Variants in UBR4 observed in about 807,000 individuals in gnomAD.
UBR4 encodes the protein ubiquitin protein ligase E3 component n-recognin 4.
In UBR4, 124 loss-of-function variants were observed where a neutral mutation model predicts 575.6. The observed-to-expected ratio is 0.22, with a 90% CI of 0.19 to 0.25. The LOEUF (loss-of-function observed/expected upper bound fraction) is 0.25. UBR4 is among the 10% of genes least tolerant of loss of function. The pLI, the probability that UBR4 is intolerant of heterozygous loss-of-function variation, is 1.00. For missense variants in UBR4, 4,818 were observed against 6,478.8 expected, an observed-to-expected ratio of 0.74 and a Z score of 8.80; for synonymous variants, 2,455 against 2,473.7, an observed-to-expected ratio of 0.99 and a Z score of 0.22.
intron 1 of UBR4, among the ~76,000 whole-genome samples, chr1:19,204,183 T>C (rs1571850831): frequency 6.6e-6 from 1 of 152,206 alleles, no homozygotes; most frequent in South Asian, 2.1e-4. Flanking sequence ...ATTTTTTTTT[T>C]AGTAGAGATG....
At chr1:19,174,517 T>A in intron 21 of UBR4, 70 bp from the exon 22 acceptor site, 1 of 1,541,810 alleles carries the variant, frequency 6.5e-7, no homozygotes, top group Non-Finnish European at 8.7e-7. Context: ...CTATACACTA[T>A]CACTTATCCT....
Position 19,162,629 on chromosome 1 carries a change from C to G in UBR4, c.4765-18G>C. The stretch of plus-strand genomic sequence containing the variant: ...ATCACATGCTGTAAGAGAAGCCCCA[C>G]AGCAACTTCAGATTCTCCATGTTTC... On this transcript the variant is annotated intron_variant, in intron 34 of 105. Transcript: ENST00000375254. 1 of 1,594,848 alleles carries G rather than the reference C, an allele frequency of 6.3e-7. No homozygotes were observed.
In UBR4 at chr1:19,190,312, A is replaced by AAAAAATATATATATAT; in HGVS notation, c.1394+1875_1394+1876insATATATATATATTTTT. 2.0e-3 allele frequency among the ~76,000 whole-genome samples: 158 copies of AAAAAATATATATATAT among 79,736 alleles called. 1 individual carries two copies. Among genetic ancestry groups the AAAAAATATATATATAT allele is most frequent in the Middle Eastern group, 4.8e-3 (1 of 210 alleles). The allele number at this position is 79,736 out of a possible 152,430, so 52.3% of individuals were successfully genotyped here. On this transcript the variant is annotated intron_variant, in intron 11 of 105. Transcript: ENST00000375254. ...TGCCTCAAAAAAAAAAAAAAAAAAA[A>AAAAAATATATATATAT]ATATATATATATATATATTTGTATG...
At chr1:19,200,299 T>C (rs916728565) in intron 2 of UBR4, among the ~76,000 whole-genome samples, 6 of 151,274 alleles carry the variant, frequency 4.0e-5, no homozygotes, top group African/African-American at 1.5e-4. Flanking sequence ...AAAAATCTCA[T>C]AATGTTTTAA....
rs2085110287 is a variant in UBR4, at chr1:19,148,018, C to T, written c.7604G>A (p.Ser2535Asn). ...SKSLLASLHT[S>N]RSAYHSHKDQ... The stretch of plus-strand genomic sequence containing the variant: ...CTTGTGGCTGTGGTAGGCCGAGCGG[C>T]TGGTGTGCAGGCTGGCCAGAAGGCT... The change falls in exon 51 of 106, where the codon AGC becomes AAC. Residue 2535 changes from serine (S) to asparagine (N), a missense_variant. Ser to Asn is a conservative substitution (Grantham distance 46). This residue lies in a region of UBR4 where 340 missense variants were observed against 375.4 expected (regional missense o/e 0.91). Coordinates refer to ENST00000375254, the MANE Select transcript of UBR4 (RefSeq NM_020765.3). 6.2e-7 allele frequency: 1 copy of T among 1,612,900 alleles called. No homozygotes were observed. Among genetic ancestry groups the T allele is most frequent in the African/African-American group, 1.3e-5 (1 of 74,900 alleles).
At chr1:19,158,937 T>C (rs1437987552) in intron 39 of UBR4, among the ~76,000 whole-genome samples, 4 of 152,042 alleles carry the variant, frequency 2.6e-5, no homozygotes, top group Admixed American at 2.6e-4. Context: ...AGCACAGTTG[T>C]TCGAGACCAT....
At position 19,076,841 on chromosome 1, in the gene UBR4, T is replaced by C; in HGVS notation, c.15386A>G (p.His5129Arg). The C allele has an allele frequency of 1.2e-6, 2 of 1,612,892 alleles. No individual in the cohort carries two copies. The highest frequency in any genetic ancestry group is 1.7e-6 in the Non-Finnish European group (2 of 1,179,508). Reference sequence around the variant, plus strand: ...AGCTTCGTAGATGGGCATGTCGTTGTGGCGGATGTACTCAGCGAGAGAGCA... The same window carrying C: ...AGCTTCGTAGATGGGCATGTCGTTGCGGCGGATGTACTCAGCGAGAGAGCA... ...WSCSLAEYIR[H>R]NDMPIYEAAD... is the part of the protein sequence containing the mutation. The change falls in exon 105 of 106, where the codon CAC becomes CGC. Residue 5129 changes from histidine (H) to arginine (R), a missense_variant. His to Arg is a conservative substitution (Grantham distance 29, BLOSUM62 0). This residue lies in a region of UBR4 where 212 missense variants were observed against 221.3 expected (regional missense o/e 0.96). Coordinates refer to ENST00000375254, the MANE Select transcript of UBR4 (RefSeq NM_020765.3).
intron 97 of UBR4, among the ~76,000 whole-genome samples, chr1:19,090,989 G>A (rs576074926): frequency 2.0e-5 from 3 of 152,070 alleles, no homozygotes; most frequent in Admixed American, 6.6e-5. Context: ...CCAGCTACTC[G>A]GGAGGCTGAG....
chr1:19,130,919 T>A (rs1306463545), intron 60 of UBR4, among the ~76,000 whole-genome samples: 1 of 147,694 alleles, frequency 6.8e-6, no homozygotes, highest in East Asian at 1.9e-4. Context: ...CATTTTGTTA[T>A]TTTTTTTTTG....
In UBR4 at chr1:19,165,691, C is replaced by T. The variant is rs2088232203; in HGVS notation, c.4176G>A (p.Gln1392=). The change falls in exon 30 of 106, where the codon CAG becomes CAA. Residue 1392 remains glutamine (Q), a synonymous_variant. Transcript: ENST00000375254. Reference sequence around the variant, plus strand: ...AAAACTCCTCCATAGCTTTACGAGCCTGGCTACTTTCCAGCTGCTTTTCCA... The same window carrying T: ...AAAACTCCTCCATAGCTTTACGAGCTTGGCTACTTTCCAGCTGCTTTTCCA... ...QYLEKQLESS[Q]ARKAMEEFFS... The T allele has an allele frequency of 6.2e-7, 1 of 1,614,170 alleles. No homozygotes were observed. Among genetic ancestry groups the T allele is most frequent in the Non-Finnish European group, 8.5e-7 (1 of 1,180,008 alleles).
chr1:19,128,357 T>C (rs750679425), intron 61 of UBR4, 39 bp from the exon 62 acceptor site: 4 of 1,571,946 alleles, frequency 2.5e-6, no homozygotes, highest in Non-Finnish European at 3.5e-6. Flanking sequence ...CCCAATTTCC[T>C]AAAGAAGAAC....
In UBR4 at chr1:19,146,847, T is replaced by G. The variant is rs1436028031; in HGVS notation, c.7783A>C (p.Lys2595Gln). The change falls in exon 52 of 106, where the codon AAG becomes CAG. Residue 2595 changes from lysine to glutamine, a missense_variant. By Grantham distance (53) the Lys-to-Gln change is moderately conservative (BLOSUM62 1). This residue lies in a region of UBR4 where 340 missense variants were observed against 375.4 expected (regional missense o/e 0.91). Coordinates refer to ENST00000375254, the MANE Select transcript of UBR4 (RefSeq NM_020765.3). ...PNNLVHFTESKLPQMETEGMD... is the reference protein window; with the variant it reads ...PNNLVHFTESQLPQMETEGMD... The stretch of plus-strand genomic sequence containing the variant: ...TCACCTGTTTCCATCTGGGGCAGCT[T>G]TGACTCCGTAAAGTGGACAAGGTTG... 4.3e-6 allele frequency: 7 copies of G among 1,613,760 alleles called. No individual in the cohort carries two copies. In the East Asian group the frequency reaches 1.6e-4, roughly 36 times the overall value.
In UBR4 at chr1:19,096,534, G is replaced by A; in HGVS notation, c.13507C>T (p.His4503Tyr). ...TGCCCCCAACTCACTGTTAGAAGGT[G>A]GCGTCCCTGCTTGAAATCTCTGATC... ...AGIRDFKQGRHLLTVLLKLFS... is the reference protein window; with the variant it reads ...AGIRDFKQGRYLLTVLLKLFS... The change falls in exon 92 of 106, where the codon CAC (histidine) becomes TAC (tyrosine). Residue 4503 changes from histidine (H) to tyrosine (Y), a missense_variant. Transcript: ENST00000375254. 1.2e-6 allele frequency: 2 copies of A among 1,613,004 alleles called. No homozygotes were observed. The highest frequency in any genetic ancestry group is 1.7e-6 in the Non-Finnish European group (2 of 1,179,556).
chr1:19,185,721 C>T (rs907154099), intron 14 of UBR4, among the ~76,000 whole-genome samples: 1 of 152,014 alleles, frequency 6.6e-6, no homozygotes, highest in Admixed American at 6.6e-5. Context: ...CTACAGGCTA[C>T]AGGCATGTGC....
intron 60 of UBR4, among the ~76,000 whole-genome samples, chr1:19,135,880 T>C (rs1328429345): frequency 2.6e-5 from 4 of 151,878 alleles, no homozygotes; most frequent in Non-Finnish European, 5.9e-5. Context: ...GCAAAATAAA[T>C]GTAAAGAAAT....
Position 19,110,100 on chromosome 1 carries a change from T to C in UBR4, c.12101A>G (p.Asn4034Ser). 1 of 1,614,106 alleles carries C rather than the reference T, an allele frequency of 6.2e-7. No individual in the cohort carries two copies. Among genetic ancestry groups the C allele is most frequent in the Non-Finnish European group, 8.5e-7 (1 of 1,180,000 alleles). The change falls in exon 81 of 106, where the codon AAC becomes AGC. Residue 4034 changes from asparagine (N) to serine (S), a missense_variant. Physicochemically the swap from Asn to Ser is conservative, Grantham distance 46 (BLOSUM62 1). Transcript: ENST00000375254. This position sits in a 1 kb window ranked among gnomAD's most constrained non-coding sequence, Gnocchi z 4.5. Reference sequence around the variant, plus strand: ...GACCCCTGCTTGGCCCAGTACCTTGTTCTTCTTGCTAGTGGGAGCAGGTGG... The same window carrying C: ...GACCCCTGCTTGGCCCAGTACCTTGCTCTTCTTGCTAGTGGGAGCAGGTGG... ...IKPPAPTSKK[N>S]KDVPVEALTT... is the part of the protein sequence containing the mutation.
At chr1:19,115,278 C>T (rs1333532028) in intron 74 of UBR4, 120 bp downstream of exon 74, 3 of 1,427,242 alleles carry the variant, frequency 2.1e-6, no homozygotes, top group African/African-American at 2.9e-5. Flanking sequence ...ACTCTACAAA[C>T]CCATAATTCT....
rs2081138687 is a variant in UBR4 at position 19,121,211 on chromosome 1, T to C, written c.10119A>G (p.Glu3373=). The change falls in exon 68 of 106, where the codon GAA becomes GAG. Residue 3373 remains glutamate, a synonymous_variant. Transcript: ENST00000375254. ...SKSSTKKSKK[E]EKEKEKDGET... ...TACCATCTTTCTCCTTTTCTTTTTC[T>C]TCTTTCTTGCTCTTTTTAGTGGAAG... The C allele has an allele frequency of 6.2e-7, 1 of 1,614,092 alleles. No homozygotes were observed. Among genetic ancestry groups the C allele is most frequent in the Non-Finnish European group, 8.5e-7 (1 of 1,179,998 alleles).
chr1:19,114,765 C>A, intron 75 of UBR4, 46 bp downstream of exon 75: 1 of 1,608,920 alleles, frequency 6.2e-7, no homozygotes, highest in Non-Finnish European at 8.5e-7. Context: ...TGCCCAAAGT[C>A]CAGATCAAGG....
Sources: gnomAD v4.1 joint callset for allele counts (sites outside exome capture counted in the v4.1 genomes callset) on GRCh38, gnomAD v4.1.1 for gene constraint, gnomAD v4.1.1 regional missense constraint, Gnocchi (gnomAD v3.1) non-coding constraint, MANE v1.5 for transcripts, NCBI Gene and HGNC (gene_info 2026-07-23, HGNC 2026-07-21) for gene names.